The following TLN2 variants were observed in gnomAD, a reference collection of about 807,000 sequenced individuals.
The protein encoded by TLN2 is talin-2.
In TLN2, 118 loss-of-function variants were observed where a neutral mutation model predicts 294.7. That is an observed-to-expected ratio of 0.40 (90% confidence interval 0.34 to 0.47). TLN2 has a LOEUF of 0.47. Ranked by LOEUF, TLN2 falls within the 20% of genes least tolerant of loss-of-function variation. The pLI is 0.84. For synonymous variants in TLN2, 1,431 were observed against 1,304.5 expected (o/e 1.10, Z -2.09); for missense variants, 3,083 against 3,282.2 (o/e 0.94, Z 1.48).
chr15:62,730,909 C>T (rs2060690709), intron 28 of TLN2, among the ~76,000 whole-genome samples: 1 of 152,204 alleles, frequency 6.6e-6, no homozygotes, highest in South Asian at 2.1e-4. Context: ...AATATTGCTT[C>T]TGTCCCATTT....
At chr15:62,532,632 C>T (rs1398903449) in intron 1 of TLN2, among the ~76,000 whole-genome samples, 3 of 152,134 alleles carry the variant, frequency 2.0e-5, no homozygotes, top group Admixed American at 1.3e-4. Context: ...AAAAGCATTG[C>T]TCTTGCTTCA....
At chr15:62,641,599 G>A (rs1480373068) in intron 3 of TLN2, among the ~76,000 whole-genome samples, 1 of 151,898 alleles carries the variant, frequency 6.6e-6, no homozygotes. Context: ...TTCTTGCCTG[G>A]GCTACGAGTA....
At chr15:62,753,148 A>G (rs1278978539) in intron 35 of TLN2, among the ~76,000 whole-genome samples, 1 of 152,236 alleles carries the variant, frequency 6.6e-6, no homozygotes, top group Non-Finnish European at 1.5e-5. Flanking sequence ...AATTGCAAAG[A>G]GAAGCCCTTC....
intron 9 of TLN2, among the ~76,000 whole-genome samples, chr15:62,673,310 C>CTTTTTCTT (rs2055685683): frequency 2.3e-5 from 1 of 42,856 alleles, no homozygotes; most frequent in Admixed American, 4.8e-4. Context: ...TTAGATGTTG[C>CTTTTTCTT]TTTTTTTTTT....
intron 9 of TLN2, among the ~76,000 whole-genome samples, chr15:62,672,263 C>T (rs1471786547): frequency 1.3e-5 from 2 of 152,092 alleles, no homozygotes; most frequent in East Asian, 3.8e-4. Flanking sequence ...TTTCTTTCTC[C>T]TCATTTACAG....
intron 1 of TLN2, among the ~76,000 whole-genome samples, chr15:62,421,928 G>C (rs1236280146): frequency 6.6e-6 from 1 of 152,058 alleles, no homozygotes; most frequent in Non-Finnish European, 1.5e-5. Flanking sequence ...AATTATTACT[G>C]CATTGGATAA....
intron 9 of TLN2, among the ~76,000 whole-genome samples, chr15:62,673,381 T>G (rs918241698): frequency 3.1e-5 from 4 of 129,992 alleles, no homozygotes; most frequent in Non-Finnish European, 4.7e-5. Context: ...ATAGGCAAGT[T>G]TAGTTTCCAT....
At chr15:62,583,260 G>A (rs988519904) in intron 1 of TLN2, among the ~76,000 whole-genome samples, 3 of 152,142 alleles carry the variant, frequency 2.0e-5, no homozygotes, top group African/African-American at 7.2e-5. Context: ...GCTTATTTTT[G>A]TAGAGTTGCC....
At chr15:62,598,616 A>AGT (rs748767492) in intron 2 of TLN2, among the ~76,000 whole-genome samples, 4 of 151,854 alleles carry the variant, frequency 2.6e-5, no homozygotes, top group Non-Finnish European at 5.9e-5. Context: ...CATAGCCTGA[A>AGT]GTGTGTGTGT....
intron 32 of TLN2, among the ~76,000 whole-genome samples, chr15:62,745,305 T>C (rs1041993159): frequency 6.6e-6 from 1 of 152,102 alleles, no homozygotes; most frequent in African/African-American, 2.4e-5. Flanking sequence ...TGAACTTATG[T>C]GGCTTTGATC....
chr15:62,479,270 T>C (rs1381059125), intron 1 of TLN2, among the ~76,000 whole-genome samples: 1 of 152,158 alleles, frequency 6.6e-6, no homozygotes, highest in African/African-American at 2.4e-5. Context: ...TGGTACCCTC[T>C]ATTCTCTGGG....
At chr15:62,601,555 A>T (rs1006881418) in intron 2 of TLN2, among the ~76,000 whole-genome samples, 1 of 152,252 alleles carries the variant, frequency 6.6e-6, no homozygotes, top group African/African-American at 2.4e-5. Flanking sequence ...AGAAACACAT[A>T]GTAACTGTAG....
intron 1 of TLN2, among the ~76,000 whole-genome samples, chr15:62,529,102 T>TGTG (rs1567061351): frequency 6.9e-6 from 1 of 144,804 alleles, no homozygotes; most frequent in African/African-American, 2.9e-5. Context: ...GGCTTTTTTT[T>TGTG]TTTGTGTGTG....
At chr15:62,433,986 CCCCCCG>C (rs968857758) in intron 1 of TLN2, among the ~76,000 whole-genome samples, 8 of 149,606 alleles carry the variant, frequency 5.3e-5, no homozygotes, top group South Asian at 2.1e-4. Context: ...AAGATTCTGT[CCCCCCG>C]CCCCCGCCCA....
chr15:62,605,671 G>A (rs2047374432), intron 2 of TLN2, among the ~76,000 whole-genome samples: 1 of 152,192 alleles, frequency 6.6e-6, no homozygotes, highest in South Asian at 2.1e-4. Flanking sequence ...CTTGCTTCTT[G>A]TGGATAACCG....
At chr15:62,558,156 A>T (rs2042709440) in intron 1 of TLN2, among the ~76,000 whole-genome samples, 1 of 152,210 alleles carries the variant, frequency 6.6e-6, no homozygotes, top group Non-Finnish European at 1.5e-5. Flanking sequence ...TGTATGGGTG[A>T]TACTGATCTT....
rs35955277 is a variant in TLN2 at position 62,604,524 on chromosome 15, TAAAAAAAAA to T, written c.-161-13813_-161-13805del. Among the ~76,000 whole-genome samples the T allele has an allele frequency of 5.7e-5, 5 of 87,298 alleles. No homozygotes were observed. The Admixed American group carries it at 7.3e-4, about 13-fold the overall frequency. The allele number at this position is 87,298 out of a possible 152,430, so 57.3% of individuals were successfully genotyped here. A position where few individuals can be genotyped will look rare whatever the true frequency, so the allele number is the denominator to read the frequency against. ...TGGGTGACAAAGTGAGACCTTGTCT[TAAAAAAAAA>T]AAAAAAAAAAAAAGAAAAGGGTGGG... On this transcript the variant is annotated intron_variant, in intron 2 of 58. Transcript: ENST00000636159.
At chr15:62,444,083 G>A (rs1043743702) in intron 1 of TLN2, among the ~76,000 whole-genome samples, 3 of 152,244 alleles carry the variant, frequency 2.0e-5, no homozygotes, top group Non-Finnish European at 4.4e-5. Flanking sequence ...CTACCGATGT[G>A]AGCCTTGGAG....
At chr15:62,441,904 G>A (rs1460584901) in intron 1 of TLN2, among the ~76,000 whole-genome samples, 1 of 152,136 alleles carries the variant, frequency 6.6e-6, no homozygotes. Context: ...GGGCATGGAA[G>A]CTTCACACCC....
Sources: gnomAD v4.1 joint callset for allele counts (sites outside exome capture counted in the v4.1 genomes callset) on GRCh38, gnomAD v4.1.1 for gene constraint, MANE v1.5 for transcripts, NCBI Gene and HGNC (gene_info 2026-07-23, HGNC 2026-07-21) for gene names.